Variants in TMPRSS11D observed in about 807,000 individuals in gnomAD.
TMPRSS11D encodes transmembrane serine protease 11D, also known as transmembrane protease serine 11D.
In TMPRSS11D, 32 loss-of-function variants were observed where a neutral mutation model predicts 44.4. The observed-to-expected ratio is 0.72, with a 90% CI of 0.54 to 0.97. The LOEUF (loss-of-function observed/expected upper bound fraction) is 0.97. Among genes scored for constraint, TMPRSS11D ranks in the 50% least tolerant of loss-of-function variants. The pLI, the probability that TMPRSS11D is intolerant of heterozygous loss-of-function variation, is 0.00. For missense variants in TMPRSS11D, 446 were observed against 502.6 expected, an observed-to-expected ratio of 0.89 and a Z score of 1.08; for synonymous variants, 179 against 177.9, an observed-to-expected ratio of 1.01 and a Z score of -0.05.
At position 67,849,221 on chromosome 4, in the gene TMPRSS11D, T is replaced by A. The variant is rs75241687; in HGVS notation, c.249+4847A>T. ...TATTGCTATTAATAGGGATAGGTAT[T>A]GTTGGTGGAAAGCTAGGATGGTGTG... On this transcript the variant is annotated intron_variant, in intron 3 of 9. Coordinates refer to ENST00000283916, the MANE Select transcript of TMPRSS11D (RefSeq NM_004262.3). Among the ~76,000 whole-genome samples, 636 of 152,274 alleles carry A rather than the reference T, an allele frequency of 4.2e-3. 2 individuals carry two copies. Among genetic ancestry groups the A allele is most frequent in the Middle Eastern group, 0.014 (4 of 294 alleles).
chr4:67,834,174 T>C (rs1310345345), intron 6 of TMPRSS11D, among the ~76,000 whole-genome samples: 1 of 152,172 alleles, frequency 6.6e-6, no homozygotes, highest in African/African-American at 2.4e-5. Context: ...GTGTGGTCTA[T>C]TACTAAGAAA....
At chr4:67,846,720 T>C (rs932358084) in intron 3 of TMPRSS11D, among the ~76,000 whole-genome samples, 2 of 152,306 alleles carry the variant, frequency 1.3e-5, no homozygotes, top group East Asian at 3.9e-4. Context: ...ACAAAATCTA[T>C]TAAACATTAT....
intron 1 of TMPRSS11D, among the ~76,000 whole-genome samples, chr4:67,864,024 T>C (rs1463667172): frequency 6.6e-6 from 1 of 151,974 alleles, no homozygotes; most frequent in Non-Finnish European, 1.5e-5. Context: ...ATGGCATGCA[T>C]GCTGTATAAA....
At chr4:67,829,566 T>A (rs1209488102) in intron 7 of TMPRSS11D, among the ~76,000 whole-genome samples, 2 of 151,866 alleles carry the variant, frequency 1.3e-5, no homozygotes, top group African/African-American at 4.8e-5. Flanking sequence ...AAATTAGATA[T>A]ACCATAGACA....
intron 3 of TMPRSS11D, among the ~76,000 whole-genome samples, chr4:67,848,069 TATGTG>T: frequency 6.6e-6 from 1 of 152,362 alleles, no homozygotes; most frequent in Admixed American, 6.5e-5. Context: ...TGGTATAAGT[TATGTG>T]ATAAGATTAA....
At chr4:67,845,659 A>G (rs1718339968) in intron 3 of TMPRSS11D, among the ~76,000 whole-genome samples, 1 of 152,140 alleles carries the variant, frequency 6.6e-6, no homozygotes, top group Non-Finnish European at 1.5e-5. Context: ...TACTGCTGAC[A>G]CTTTCATTAC....
chr4:67,843,104 CTTTT>C (rs35756612), intron 3 of TMPRSS11D, among the ~76,000 whole-genome samples: 8 of 109,420 alleles, frequency 7.3e-5, no homozygotes, highest in Admixed American at 2.8e-4. Flanking sequence ...AAAGGGCAGT[CTTTT>C]TTTTTTTTTT....
chr4:67,829,364 C>T (rs1717886474), intron 7 of TMPRSS11D, among the ~76,000 whole-genome samples: 1 of 150,934 alleles, frequency 6.6e-6, no homozygotes, highest in South Asian at 2.1e-4. Flanking sequence ...ATCGAACTCC[C>T]CTCATATATA....
chr4:67,846,960 C>T (rs1718372800), intron 3 of TMPRSS11D, among the ~76,000 whole-genome samples: 1 of 151,352 alleles, frequency 6.6e-6, no homozygotes, highest in Admixed American at 6.6e-5. Context: ...GGCTGGAGTG[C>T]AATGGGTGAT....
intron 1 of TMPRSS11D, among the ~76,000 whole-genome samples, chr4:67,883,448 A>G (rs192706382): frequency 6.6e-6 from 1 of 152,072 alleles, no homozygotes; most frequent in Non-Finnish European, 1.5e-5. Flanking sequence ...CTACAACTAT[A>G]TAAAAAGTAG....
intron 1 of TMPRSS11D, among the ~76,000 whole-genome samples, chr4:67,862,281 T>C (rs1718808743): frequency 6.6e-6 from 1 of 152,096 alleles, no homozygotes; most frequent in Non-Finnish European, 1.5e-5. Flanking sequence ...ATTTTAAATA[T>C]AGGAAAGGTG....
chr4:67,849,455 A>G (rs1204505404), intron 3 of TMPRSS11D, among the ~76,000 whole-genome samples: 1 of 152,150 alleles, frequency 6.6e-6, no homozygotes, highest in Non-Finnish European at 1.5e-5. Context: ...AGAGGTGGAC[A>G]TAAGTAAAGC....
intron 1 of TMPRSS11D, among the ~76,000 whole-genome samples, chr4:67,879,342 G>A (rs1351872600): frequency 2.6e-5 from 4 of 151,920 alleles, no homozygotes; most frequent in Admixed American, 6.6e-5. Flanking sequence ...TTAGCCGGGC[G>A]CAGTGGTAGG....
At chr4:67,849,987 A>G (rs1341209521) in intron 3 of TMPRSS11D, among the ~76,000 whole-genome samples, 1 of 152,204 alleles carries the variant, frequency 6.6e-6, no homozygotes, top group Non-Finnish European at 1.5e-5. Flanking sequence ...ATCATTTTAA[A>G]TGTTCAAAGT....
intron 3 of TMPRSS11D, among the ~76,000 whole-genome samples, chr4:67,846,990 T>C (rs10030901): frequency 0.16 from 23,890 of 151,996 alleles, 2,408 homozygotes; most frequent in Middle Eastern, 0.41. Context: ...CTGCAACCTC[T>C]GCCTCCCAGG....
At chr4:67,879,242 G>T (rs1171437384) in intron 1 of TMPRSS11D, among the ~76,000 whole-genome samples, 1 of 151,946 alleles carries the variant, frequency 6.6e-6, no homozygotes, top group African/African-American at 2.4e-5. Flanking sequence ...AACACTTTGG[G>T]AGGCTGAGGC....
chr4:67,859,707 C>A, intron 1 of TMPRSS11D, 29 bp from the exon 2 acceptor site: 1 of 1,609,752 alleles, frequency 6.2e-7, no homozygotes. Context: ...CAAAGAAAGT[C>A]ATTCATTTCA....
intron 1 of TMPRSS11D, among the ~76,000 whole-genome samples, chr4:67,879,451 G>A (rs1239787874): frequency 1.5e-5 from 2 of 132,278 alleles, no homozygotes; most frequent in African/African-American, 5.8e-5. Context: ...CAGCCTGGGC[G>A]ACAGAGCGAG....
chr4:67,864,069 A>G (rs778952072), intron 1 of TMPRSS11D, among the ~76,000 whole-genome samples: 4 of 151,844 alleles, frequency 2.6e-5, no homozygotes, highest in Non-Finnish European at 5.9e-5. Flanking sequence ...AAAACTTTAG[A>G]GAAAAATAAA....
Sources: gnomAD v4.1 joint callset for allele counts (sites outside exome capture counted in the v4.1 genomes callset) on GRCh38, gnomAD v4.1.1 for gene constraint, MANE v1.5 for transcripts, NCBI Gene and HGNC (gene_info 2026-07-23, HGNC 2026-07-21) for gene names.